The following MARCHF10 variants were observed in gnomAD, a reference collection of about 807,000 sequenced individuals.
MARCHF10 encodes probable E3 ubiquitin-protein ligase MARCHF10.
Under a neutral mutation model 76.2 loss-of-function variants are expected in MARCHF10, and 64 were observed. That is an observed-to-expected ratio of 0.84 (90% CI 0.69 to 1.03). The LOEUF (loss-of-function observed/expected upper bound fraction) is 1.03. MARCHF10 is among the 50% of genes least tolerant of loss of function. The pLI is 0.00. For missense variants in MARCHF10, 875 were observed against 958.0 expected, an observed-to-expected ratio of 0.91 and a Z score of 1.14; for synonymous variants, 340 against 357.5, an observed-to-expected ratio of 0.95 and a Z score of 0.55.
chr17:62,780,719 AGT>A (rs2092642776), intron 3 of MARCHF10, among the ~76,000 whole-genome samples: 1 of 152,210 alleles, frequency 6.6e-6, no homozygotes, highest in Non-Finnish European at 1.5e-5. Context: ...AAGTAAATGC[AGT>A]GAGAACGTGT....
Position 62,712,286 on chromosome 17 carries a change from C to A in MARCHF10, c.2215-942G>T, listed in dbSNP as rs1423396880. 6.6e-6 allele frequency among the ~76,000 whole-genome samples: 1 copy of A among 152,260 alleles called. No individual in the cohort carries two copies. The highest frequency in any genetic ancestry group is 2.4e-5 in the African/African-American group (1 of 41,462). The stretch of plus-strand genomic sequence containing the variant: ...GCAGAGGGCATGGCCCCTTCCGTCA[C>A]CCTTGGGAAAGCTTGCAACTGTGAC... On this transcript the variant is annotated intron_variant, in intron 8 of 10. Coordinates refer to ENST00000311269, the MANE Select transcript of MARCHF10 (RefSeq NM_152598.4). This position sits in a 1 kb window ranked among gnomAD's most constrained non-coding sequence, Gnocchi z 4.2.
chr17:62,755,286 C>T (rs943063626), intron 4 of MARCHF10, among the ~76,000 whole-genome samples: 5 of 151,616 alleles, frequency 3.3e-5, no homozygotes, highest in African/African-American at 4.9e-5. Flanking sequence ...GGAGAGGGGA[C>T]GCTTGCTTCC....
intron 2 of MARCHF10, among the ~76,000 whole-genome samples, chr17:62,789,111 T>C (rs2092799768): frequency 8.0e-6 from 1 of 125,044 alleles, no homozygotes; most frequent in Admixed American, 8.5e-5. Context: ...TCAGACGTAA[T>C]AGCCATTACT....
rs74967996 is a variant in MARCHF10, at chr17:62,800,218, T to G, written c.90+1428A>C. Among the ~76,000 whole-genome samples the G allele has an allele frequency of 7.2e-4, 109 of 152,222 alleles. 1 individual carries two copies. The highest frequency in any genetic ancestry group is 1.2e-3 in the Non-Finnish European group (82 of 68,008). ...TGAAAAGGCAGTGTTAAGAGCCCAA[T>G]GGAGATTAGAAAATAAAACGGCAAC... On this transcript the variant is annotated intron_variant, in intron 2 of 10. Transcript: ENST00000311269.
chr17:62,789,444 C>A (rs566854070), intron 2 of MARCHF10, among the ~76,000 whole-genome samples: 1 of 152,292 alleles, frequency 6.6e-6, no homozygotes, highest in Admixed American at 6.5e-5. Flanking sequence ...GTTTCCTCTG[C>A]CCTCTCTTCT....
chr17:62,755,178 A>G (rs2092004229), intron 4 of MARCHF10, among the ~76,000 whole-genome samples: 2 of 152,328 alleles, frequency 1.3e-5, no homozygotes, highest in South Asian at 4.1e-4. Context: ...TTAAAGGGCA[A>G]GATTTTGGAA....
At chr17:62,707,838 T>C (rs2089685900) in intron 9 of MARCHF10, among the ~76,000 whole-genome samples, 1 of 152,162 alleles carries the variant, frequency 6.6e-6, no homozygotes, top group Non-Finnish European at 1.5e-5. Flanking sequence ...TAGTATGTAG[T>C]AGGTTCGCAG....
At chr17:62,765,705 G>C (rs910279076) in intron 3 of MARCHF10, among the ~76,000 whole-genome samples, 4 of 152,128 alleles carry the variant, frequency 2.6e-5, no homozygotes, top group Non-Finnish European at 5.9e-5. Flanking sequence ...GACGTGCTAG[G>C]TACTTCTTAT....
intron 5 of MARCHF10, among the ~76,000 whole-genome samples, chr17:62,739,675 C>T (rs1181147698): frequency 3.3e-5 from 5 of 152,116 alleles, no homozygotes; most frequent in Non-Finnish European, 7.3e-5. Flanking sequence ...GCCACCGTGC[C>T]CGGCCGGCTG....
chr17:62,738,748 A>G lies in MARCHF10; in HGVS notation c.536-1416T>C, dbSNP rs940067157. ...GGCAGCTTCTTTTATTGTTAACTGC[A>G]TGGGACACTCAGCAACGCAGTATGA... On this transcript the variant is annotated intron_variant, in intron 5 of 10. Coordinates refer to ENST00000311269, the MANE Select transcript of MARCHF10 (RefSeq NM_152598.4). This position sits in a 1 kb window ranked among gnomAD's most constrained non-coding sequence, Gnocchi z 4.0. Among the ~76,000 whole-genome samples the G allele has an allele frequency of 2.0e-5, 3 of 152,192 alleles. No homozygotes were observed. Among genetic ancestry groups the G allele is most frequent in the African/African-American group, 7.2e-5 (3 of 41,446 alleles).
rs1400969740 is a variant in MARCHF10, at chr17:62,711,108, CAAT to C, written c.2328+120_2328+122del. ...AGCAGCTGCTAAATCTTAGTCCTAA[CAAT>C]GATAGTCCCATATCCTCCCAAGCGA... On this transcript the variant is annotated intron_variant, in intron 9 of 10. Coordinates refer to ENST00000311269, the MANE Select transcript of MARCHF10 (RefSeq NM_152598.4). The surrounding 1 kb of genome is among the most constrained non-coding windows in gnomAD (Gnocchi z 4.4). The C allele has an allele frequency of 2.7e-6, 2 of 741,066 alleles. No homozygotes were observed. Among genetic ancestry groups the C allele is most frequent in the Non-Finnish European group, 4.7e-6 (2 of 429,246 alleles). The allele number at this position is 741,066 out of a possible 1,614,324, so 45.9% of individuals were successfully genotyped here. A position where few individuals can be genotyped will look rare whatever the true frequency, so the allele number is the denominator to read the frequency against.
chr17:62,798,135 G>A (rs2093015106), intron 2 of MARCHF10, among the ~76,000 whole-genome samples: 1 of 152,154 alleles, frequency 6.6e-6, no homozygotes, highest in South Asian at 2.1e-4. Context: ...ACAAGTCTTA[G>A]TATAAAGTGG....
intron 6 of MARCHF10, among the ~76,000 whole-genome samples, chr17:62,731,081 T>A (rs2091005800): frequency 6.6e-6 from 1 of 152,216 alleles, no homozygotes; most frequent in Non-Finnish European, 1.5e-5. Context: ...TAATTATGGA[T>A]GCTTGAGTGA....
At chr17:62,704,129 G>A (rs1415775184) in intron 10 of MARCHF10, among the ~76,000 whole-genome samples, 1 of 151,578 alleles carries the variant, frequency 6.6e-6, no homozygotes, top group East Asian at 1.9e-4. Context: ...GCAGCAACCA[G>A]GCCGGGCTCC....
intron 6 of MARCHF10, among the ~76,000 whole-genome samples, chr17:62,734,022 A>G (rs1239500558): frequency 1.3e-5 from 2 of 152,188 alleles, no homozygotes; most frequent in East Asian, 3.9e-4. Flanking sequence ...GCCTCTACTT[A>G]AAAATACAAA....
intron 9 of MARCHF10, among the ~76,000 whole-genome samples, chr17:62,706,966 A>G (rs1261876804): frequency 6.6e-6 from 1 of 152,086 alleles, no homozygotes; most frequent in African/African-American, 2.4e-5. Flanking sequence ...TTCTCTGGAG[A>G]TGCTCCCCGA....
intron 4 of MARCHF10, among the ~76,000 whole-genome samples, chr17:62,752,018 T>G (rs1173760264): frequency 7.3e-6 from 1 of 137,306 alleles, no homozygotes; most frequent in African/African-American, 2.6e-5. Flanking sequence ...AGACTCCATC[T>G]CAAAAAAGAA....
intron 3 of MARCHF10, among the ~76,000 whole-genome samples, chr17:62,767,727 A>G (rs2092365664): frequency 6.6e-6 from 1 of 152,192 alleles, no homozygotes. Flanking sequence ...CTGGGATTAC[A>G]GGTGTGAGCC....
intron 4 of MARCHF10, among the ~76,000 whole-genome samples, chr17:62,752,417 G>A (rs2091923555): frequency 6.6e-6 from 1 of 152,166 alleles, no homozygotes; most frequent in African/African-American, 2.4e-5. Flanking sequence ...TGGCTGCCCT[G>A]CCTGCAGCTC....
Sources: allele counts gnomAD v4.1 joint callset (sites outside exome capture counted in the v4.1 genomes callset), GRCh38; gene constraint gnomAD v4.1.1; non-coding constraint Gnocchi (gnomAD v3.1); transcripts MANE v1.5; gene names NCBI Gene and HGNC (gene_info 2026-07-23, HGNC 2026-07-21).